Variants in ELMO2 observed in about 807,000 individuals in gnomAD.
The protein encoded by ELMO2 is engulfment and cell motility protein 2.
A neutral mutation model predicts 96.2 loss-of-function variants in ELMO2; 37 were observed. The observed-to-expected ratio is 0.38, with a 90% CI of 0.30 to 0.51. The LOEUF is 0.51. ELMO2 is among the 20% of genes least tolerant of loss of function. The pLI, the probability that ELMO2 is intolerant of heterozygous loss-of-function variation, is 0.88. For missense variants in ELMO2, 561 were observed against 912.6 expected, an observed-to-expected ratio of 0.61 and a Z score of 4.96; for synonymous variants, 315 against 329.4, an observed-to-expected ratio of 0.96 and a Z score of 0.47.
intron 7 of ELMO2, 41 bp from the exon 8 acceptor site, chr20:46,387,478 C>T: frequency 6.4e-7 from 1 of 1,551,480 alleles, no homozygotes; most frequent in Non-Finnish European, 8.9e-7. Flanking sequence ...GACAAAGATT[C>T]AGATCGGGAA....
chr20:46,367,960 G>GC (rs894209632), intron 21 of ELMO2, among the ~76,000 whole-genome samples: 67 of 151,628 alleles, frequency 4.4e-4, no homozygotes, highest in African/African-American at 1.3e-3. Context: ...TTTGTGCCCC[G>GC]CCCCCCCGAA....
At chr20:46,400,214 G>A (rs942720571) in intron 1 of ELMO2, among the ~76,000 whole-genome samples, 3 of 152,056 alleles carry the variant, frequency 2.0e-5, no homozygotes, top group African/African-American at 7.2e-5. Context: ...GAAAAATCAG[G>A]GTTAGCACCC....
rs759921910 is a variant in ELMO2 at position 46,367,433 on chromosome 20, A to G, written c.2090T>C (p.Ile697Thr). The change falls in exon 22 of 22, where the codon ATC (isoleucine) becomes ACC (threonine). Residue 697 changes from isoleucine to threonine, a missense_variant. Physicochemically the swap from Ile to Thr is moderately conservative, Grantham distance 89. Transcript: ENST00000290246. ...GGGGGGTGGGGCTTCGGGAATCTGGATGTTCTCCAGGTCCAGGAGCCGCAG... is the reference window on the plus strand; with the variant it reads ...GGGGGGTGGGGCTTCGGGAATCTGGGTGTTCTCCAGGTCCAGGAGCCGCAG... ...MKLRLLDLEN[I>T]QIPEAPPPIP... is the part of the protein sequence containing the mutation. The G allele has an allele frequency of 3.1e-6, 5 of 1,612,730 alleles. No homozygotes were observed. The highest frequency in any genetic ancestry group is 4.2e-6 in the Non-Finnish European group (5 of 1,179,560).
At chr20:46,394,993 T>G (rs2060219486) in intron 2 of ELMO2, among the ~76,000 whole-genome samples, 1 of 152,200 alleles carries the variant, frequency 6.6e-6, no homozygotes. Context: ...CCCAGCTACA[T>G]GCTCTCTTGC....
Position 46,371,490 on chromosome 20 carries a change from C to A in ELMO2, c.1694-31G>T, listed in dbSNP as rs780157170. 32 of 1,613,432 alleles carry A rather than the reference C, an allele frequency of 2.0e-5. No individual in the cohort carries two copies. On this transcript the variant is annotated intron_variant, in intron 18 of 21. Coordinates refer to ENST00000290246, the MANE Select transcript of ELMO2 (RefSeq NM_133171.5). The surrounding 1 kb of genome is among the most constrained non-coding windows in gnomAD (Gnocchi z 5.9). ...ACACAAGGGAAGCCAAACAGGTGAG[C>A]AACGACAGTACTGGGAAAGGCCTGG...
At chr20:46,393,239 A>C in intron 5 of ELMO2, 96 bp from the exon 6 acceptor site, 1 of 1,268,814 alleles carries the variant, frequency 7.9e-7, no homozygotes, top group Non-Finnish European at 1.1e-6. Context: ...TCTTTTTTAC[A>C]GTAGATGTAA....
chr20:46,371,522 A>C lies in ELMO2; in HGVS notation c.1693+57T>G. On this transcript the variant is annotated intron_variant, in intron 18 of 21. Coordinates refer to ENST00000290246, the MANE Select transcript of ELMO2 (RefSeq NM_133171.5). This position sits in a 1 kb window ranked among gnomAD's most constrained non-coding sequence, Gnocchi z 5.9. ...AGTACTGGGAAAGGCCTGGGCACAAAAGGGGCCATCCAGGCAGGCTCTTCC... is the reference window on the plus strand; with the variant it reads ...AGTACTGGGAAAGGCCTGGGCACAACAGGGGCCATCCAGGCAGGCTCTTCC... The C allele has an allele frequency of 6.2e-7, 1 of 1,607,804 alleles. No homozygotes were observed. The highest frequency in any genetic ancestry group is 8.5e-7 in the Non-Finnish European group (1 of 1,175,224).
chr20:46,386,559 G>T (rs1318097578), intron 8 of ELMO2, among the ~76,000 whole-genome samples: 1 of 152,010 alleles, frequency 6.6e-6, no homozygotes, highest in Non-Finnish European at 1.5e-5. Flanking sequence ...GAGAAAGTGG[G>T]GTATAAAAAA....
chr20:46,392,411 ACATTCCTTATTAG>A (rs1321470068), intron 6 of ELMO2, among the ~76,000 whole-genome samples: 2 of 152,202 alleles, frequency 1.3e-5, no homozygotes, highest in Non-Finnish European at 2.9e-5. Flanking sequence ...TGGGCTGTTA[ACATTCCTTATTAG>A]CCTCTTCAAA....
chr20:46,380,098 G>A lies in ELMO2; in HGVS notation c.807+155C>T, dbSNP rs1477418299. Reference sequence around the variant, plus strand: ...GCAACTCTGCTCACAGAGGATCGCGGGAAAAAGCTATTCAGTTCAAGAGGT... The same window carrying A: ...GCAACTCTGCTCACAGAGGATCGCGAGAAAAAGCTATTCAGTTCAAGAGGT... On this transcript the variant is annotated intron_variant, in intron 11 of 21. Transcript: ENST00000290246. 1.1e-5 allele frequency: 7 copies of A among 622,780 alleles called. No homozygotes were observed. In the African/African-American group the frequency reaches 1.3e-4, roughly 12 times the overall value. 38.6% of individuals were successfully genotyped at this position (622,780 alleles called of 1,614,324 possible). A position where few individuals can be genotyped will look rare whatever the true frequency, so the allele number is the denominator to read the frequency against.
chr20:46,376,733 T>A (rs1286076267), intron 11 of ELMO2: 1 of 1,289,382 alleles, frequency 7.8e-7, no homozygotes, highest in Non-Finnish European at 1.0e-6. Flanking sequence ...CTTGGTTCTT[T>A]CTTGCCCAAA....
intron 21 of ELMO2, among the ~76,000 whole-genome samples, chr20:46,368,077 C>T (rs918021750): frequency 3.3e-5 from 5 of 152,162 alleles, no homozygotes; most frequent in African/African-American, 9.7e-5. Flanking sequence ...GCCTTCTGAT[C>T]CCACCGCTCC....
chr20:46,390,896 C>T, intron 6 of ELMO2: 1 of 152,314 alleles, frequency 6.6e-6, no homozygotes, highest in Admixed American at 6.5e-5. Flanking sequence ...CTCGCTATCT[C>T]TACAGTGGAG....
In ELMO2 at chr20:46,371,579, C is replaced by T. The variant is rs1568748031; in HGVS notation, c.1693G>A (p.Glu565Lys). 6.2e-7 allele frequency: 1 copy of T among 1,603,538 alleles called. No individual in the cohort carries two copies. ...FRKIGNRRRQERFWYCRLALN... is the reference protein window; with the variant it reads ...FRKIGNRRRQKRFWYCRLALN... Reference sequence around the variant, plus strand: ...CAAGGATTGCCCCGTCTCCTCTCACCTTGCCTTCGGCGGTTCCCAATCTTT... The same window carrying T: ...CAAGGATTGCCCCGTCTCCTCTCACTTTGCCTTCGGCGGTTCCCAATCTTT... The change falls in exon 18 of 22, where the codon GAA (glutamate) becomes AAA (lysine). Residue 565 changes from glutamate (E) to lysine (K), a missense_variant and splice_region_variant. Transcript: ENST00000290246. This position sits in a 1 kb window ranked among gnomAD's most constrained non-coding sequence, Gnocchi z 5.9.
chr20:46,376,872 A>C, intron 11 of ELMO2: 3 of 1,193,742 alleles, frequency 2.5e-6, no homozygotes, highest in African/African-American at 1.6e-5. Flanking sequence ...TTTGCATTTA[A>C]ATCAGTTAAA....
Position 46,383,471 on chromosome 20 carries a change from T to G in ELMO2, c.701A>C (p.Tyr234Ser). The change falls in exon 10 of 22, where the codon TAC (tyrosine) becomes TCC (serine). Residue 234 changes from tyrosine (Y) to serine (S), a missense_variant. Tyr to Ser is a moderately radical substitution (Grantham distance 144). Coordinates refer to ENST00000290246, the MANE Select transcript of ELMO2 (RefSeq NM_133171.5). Reference sequence around the variant, plus strand: ...AAGTGCATTAATCAGTGCAATGGCGTAGGTCTGAATCTCCTGGTTGGAGCT... The same window carrying G: ...AAGTGCATTAATCAGTGCAATGGCGGAGGTCTGAATCTCCTGGTTGGAGCT... ...LQVSNQEIQT[Y>S]AIALINALFL... 6.2e-7 allele frequency: 1 copy of G among 1,614,068 alleles called. No individual in the cohort carries two copies. Among genetic ancestry groups the G allele is most frequent in the Admixed American group, 1.7e-5 (1 of 60,020 alleles).
At chr20:46,368,826 T>A (rs1186910639) in intron 21 of ELMO2, 65 bp downstream of exon 21, 1 of 1,580,930 alleles carries the variant, frequency 6.3e-7, no homozygotes, top group African/African-American at 1.3e-5. Context: ...TTTTGCTCAT[T>A]CCTGCCACCA....
chr20:46,372,011 G>C, intron 16 of ELMO2, 42 bp from the exon 17 acceptor site: 2 of 1,611,330 alleles, frequency 1.2e-6, no homozygotes, highest in East Asian at 4.5e-5. Context: ...CACTACTCTT[G>C]AGAAATGGAC....
chr20:46,394,157 G>A, intron 3 of ELMO2, 68 bp from the exon 4 acceptor site: 1 of 1,438,244 alleles, frequency 7.0e-7, no homozygotes, highest in Non-Finnish European at 9.8e-7. Flanking sequence ...TCTGACAAGA[G>A]GCCTGCCAAG....
Sources: gnomAD v4.1 joint callset for allele counts (sites outside exome capture counted in the v4.1 genomes callset) on GRCh38, gnomAD v4.1.1 for gene constraint, Gnocchi (gnomAD v3.1) non-coding constraint, MANE v1.5 for transcripts, NCBI Gene and HGNC (gene_info 2026-07-23, HGNC 2026-07-21) for gene names.